Variants in PRPF6 observed in about 807,000 individuals in gnomAD.
The protein encoded by PRPF6 is pre-mRNA processing factor 6.
PRPF6 carries 42 observed loss-of-function variants against 118.3 expected under a neutral mutation model. The ratio of observed to expected loss-of-function variants is 0.35; its 90% CI spans 0.28 to 0.46. PRPF6 has a LOEUF of 0.46. Ranked by LOEUF, PRPF6 falls within the 20% of genes least tolerant of loss-of-function variation. PRPF6 has a pLI of 1.00. For missense variants in PRPF6, 662 were observed against 1,255.7 expected (o/e 0.53, Z 7.15); for synonymous variants, 481 against 485.1 (o/e 0.99, Z 0.11).
chr20:64,031,536 G>A (rs2059313534), intron 19 of PRPF6, among the ~76,000 whole-genome samples: 1 of 152,072 alleles, frequency 6.6e-6, no homozygotes, highest in African/African-American at 2.4e-5. Flanking sequence ...AGCCGGGTGT[G>A]GTGGCGCATG....
At chr20:64,000,411 T>C (rs1338012922) in intron 8 of PRPF6, among the ~76,000 whole-genome samples, 4 of 147,414 alleles carry the variant, frequency 2.7e-5, no homozygotes, top group Non-Finnish European at 5.9e-5. Flanking sequence ...GAGCTGAGAT[T>C]GCACCATGCT....
At position 64,031,826 on chromosome 20, in the gene PRPF6, G is replaced by A. The variant is rs1043805408; in HGVS notation, c.2547-92G>A. ...GGGGAGCACCAGGGCTGCGGGTCAG[G>A]GATGAAGCTGATGGCCCTGAAGCCG... is the stretch of plus-strand genomic sequence containing the variant. On this transcript the variant is annotated intron_variant, in intron 19 of 20. Coordinates refer to ENST00000266079, the MANE Select transcript of PRPF6 (RefSeq NM_012469.4). 4 of 1,573,080 alleles carry A rather than the reference G, an allele frequency of 2.5e-6. No homozygotes were observed. The African/African-American group carries it at 5.4e-5, about 21-fold the overall frequency.
At chr20:64,023,516 G>A (rs1226755698) in intron 13 of PRPF6, among the ~76,000 whole-genome samples, 1 of 152,214 alleles carries the variant, frequency 6.6e-6, no homozygotes, top group Non-Finnish European at 1.5e-5. Context: ...GGTGAGGACA[G>A]GCCCTGCTGG....
chr20:64,020,010 C>T (rs1051993603), intron 12 of PRPF6, among the ~76,000 whole-genome samples: 3 of 152,194 alleles, frequency 2.0e-5, no homozygotes, highest in African/African-American at 7.2e-5. Flanking sequence ...CTTTGAGCTG[C>T]CAGTCCAGAT....
chr20:64,030,392 A>G (rs948552222), intron 19 of PRPF6, among the ~76,000 whole-genome samples: 2 of 152,162 alleles, frequency 1.3e-5, no homozygotes, highest in Non-Finnish European at 2.9e-5. Context: ...TGCAGAGACA[A>G]CAGCCTTCCT....
intron 9 of PRPF6, among the ~76,000 whole-genome samples, chr20:64,003,894 G>A (rs1013624829): frequency 2.0e-5 from 3 of 152,208 alleles, no homozygotes; most frequent in East Asian, 1.9e-4. Context: ...CACCGCGCCC[G>A]GCCAGAGACA....
intron 11 of PRPF6, among the ~76,000 whole-genome samples, chr20:64,013,336 C>T (rs943523295): frequency 2.0e-5 from 3 of 152,096 alleles, no homozygotes; most frequent in Non-Finnish European, 2.9e-5. Flanking sequence ...AAGGAGTCAC[C>T]CACTGAGTTA....
intron 12 of PRPF6, among the ~76,000 whole-genome samples, chr20:64,017,453 C>T (rs1414314076): frequency 7.9e-6 from 1 of 126,764 alleles, no homozygotes; most frequent in Admixed American, 8.0e-5. Flanking sequence ...GTGAGCCGCC[C>T]TGCCCGGCCT....
In PRPF6 at chr20:63,997,334, A is replaced by G. The variant is rs796523991; in HGVS notation, c.772-1711A>G. Among the ~76,000 whole-genome samples the G allele has an allele frequency of 3.3e-4, 42 of 128,092 alleles. No individual in the cohort carries two copies. In the East Asian group the frequency reaches 7.9e-3, roughly 24 times the overall value. 84.0% of individuals were successfully genotyped at this position (128,092 alleles called of 152,430 possible). A position where few individuals can be genotyped will look rare whatever the true frequency, so the allele number is the denominator to read the frequency against. ...GAGACAGAGTCTCTCTCTGTCACCC[A>G]GGCTGGAGTTCAATGGCATGGTCTT... is the stretch of plus-strand genomic sequence containing the variant. On this transcript the variant is annotated intron_variant, in intron 6 of 20. Transcript: ENST00000266079.
chr20:64,021,643 A>G (rs1359125226), intron 12 of PRPF6, among the ~76,000 whole-genome samples: 2 of 137,236 alleles, frequency 1.5e-5, no homozygotes, highest in South Asian at 2.4e-4. Flanking sequence ...GTGTGCGTGC[A>G]CATATGCATA....
In PRPF6 at chr20:64,011,803, C is replaced by G. The variant is rs1393016051; in HGVS notation, c.1524+300C>G. Among the ~76,000 whole-genome samples, 8 of 120,688 alleles carry G rather than the reference C, an allele frequency of 6.6e-5. No individual in the cohort carries two copies. The highest frequency in any genetic ancestry group is 1.4e-4 in the Non-Finnish European group (8 of 55,612). 79.2% of individuals were successfully genotyped at this position (120,688 alleles called of 152,430 possible). ...CCTACGAGAGGAGGACAGGAAGTCTCATGGCTTCTTTCTTTGCTAGTAGAA... is the reference window on the plus strand; with the variant it reads ...CCTACGAGAGGAGGACAGGAAGTCTGATGGCTTCTTTCTTTGCTAGTAGAA... On this transcript the variant is annotated intron_variant, in intron 11 of 20. Coordinates refer to ENST00000266079, the MANE Select transcript of PRPF6 (RefSeq NM_012469.4). This position sits in a 1 kb window ranked among gnomAD's most constrained non-coding sequence, Gnocchi z 6.7.
At chr20:64,002,221 C>T (rs1377334574) in intron 9 of PRPF6, among the ~76,000 whole-genome samples, 2 of 151,350 alleles carry the variant, frequency 1.3e-5, no homozygotes, top group Non-Finnish European at 1.5e-5. Flanking sequence ...TGGGGTTTCA[C>T]TGTGTTATCC....
intron 3 of PRPF6, among the ~76,000 whole-genome samples, chr20:63,991,624 T>C (rs1254914685): frequency 6.6e-6 from 1 of 152,064 alleles, no homozygotes; most frequent in Non-Finnish European, 1.5e-5. Context: ...ACCCCGTCTC[T>C]ACTAACAATA....
chr20:64,020,586 TTTG>T (rs1826015252), intron 12 of PRPF6, among the ~76,000 whole-genome samples: 2 of 152,148 alleles, frequency 1.3e-5, no homozygotes, highest in South Asian at 4.1e-4. Flanking sequence ...GACTGGCTTT[TTTG>T]TTTTCTTTTG....
At chr20:64,005,413 C>T (rs574808572) in intron 9 of PRPF6, among the ~76,000 whole-genome samples, 11 of 152,336 alleles carry the variant, frequency 7.2e-5, no homozygotes, top group African/African-American at 2.6e-4. Context: ...GAGCACTCAT[C>T]TCCCACGCAG....
At position 64,024,289 on chromosome 20, in the gene PRPF6, G is replaced by A. The variant is rs76325163; in HGVS notation, c.1770-266G>A. 7.2e-4 allele frequency among the ~76,000 whole-genome samples: 110 copies of A among 152,266 alleles called. No individual in the cohort carries two copies. The East Asian group carries it at 0.02, about 28-fold the overall frequency. On this transcript the variant is annotated intron_variant, in intron 13 of 20. Coordinates refer to ENST00000266079, the MANE Select transcript of PRPF6 (RefSeq NM_012469.4). ...GCTTCCAGGACACACGGCTGTAAAA[G>A]GTTCTCTTGTGAAGTTCGTCTCTCC...
Position 64,028,680 on chromosome 20 carries a change from C to T in PRPF6, c.2431+111C>T. The T allele has an allele frequency of 8.5e-7, 1 of 1,181,440 alleles. No individual in the cohort carries two copies. Among genetic ancestry groups the T allele is most frequent in the Admixed American group, 1.9e-5 (1 of 51,288 alleles). 73.2% of individuals were successfully genotyped at this position (1,181,440 alleles called of 1,614,324 possible). A position where few individuals can be genotyped will look rare whatever the true frequency, so the allele number is the denominator to read the frequency against. ...CTTCCCAGACTCCGCAGGGCTGGCA[C>T]TTCCTGAGGGAGTGGGGGCTCAGGC... On this transcript the variant is annotated intron_variant, in intron 18 of 20. Coordinates refer to ENST00000266079, the MANE Select transcript of PRPF6 (RefSeq NM_012469.4). This position sits in a 1 kb window ranked among gnomAD's most constrained non-coding sequence, Gnocchi z 6.5.
At chr20:64,003,228 C>T (rs796535364) in intron 9 of PRPF6, among the ~76,000 whole-genome samples, 14 of 152,346 alleles carry the variant, frequency 9.2e-5, no homozygotes, top group African/African-American at 3.1e-4. Context: ...AGGCATCAGC[C>T]GTCGCATCCA....
In PRPF6 at chr20:64,024,633, G is replaced by A; in HGVS notation, c.1848G>A (p.Lys616=). The A allele has an allele frequency of 6.2e-7, 1 of 1,613,890 alleles. No homozygotes were observed. The highest frequency in any genetic ancestry group is 8.5e-7 in the Non-Finnish European group (1 of 1,180,042). The change falls in exon 14 of 21, where the codon AAG becomes AAA. Residue 616 remains lysine, a synonymous_variant. Coordinates refer to ENST00000266079, the MANE Select transcript of PRPF6 (RefSeq NM_012469.4). ...KAEVLWLMGA[K]SKWLAGDVPA... ...AGGTGCTGTGGCTCATGGGCGCCAA[G>A]TCCAAGTGGCTGGCAGGGGATGTGC...
Sources: allele counts gnomAD v4.1 joint callset (sites outside exome capture counted in the v4.1 genomes callset), GRCh38; gene constraint gnomAD v4.1.1; non-coding constraint Gnocchi (gnomAD v3.1); transcripts MANE v1.5; gene names NCBI Gene and HGNC (gene_info 2026-07-23, HGNC 2026-07-21).